Variants in CFAP44 observed in about 807,000 individuals in gnomAD.
CFAP44 encodes cilia and flagella associated protein 44.
In CFAP44, 134 loss-of-function variants were observed where a neutral mutation model predicts 216.2. That is an observed-to-expected ratio of 0.62 (90% CI 0.54 to 0.72). CFAP44 has a LOEUF of 0.72. Ranked by LOEUF, CFAP44 falls within the 30% of genes least tolerant of loss-of-function variation. The pLI is 0.00. For missense variants in CFAP44, 2,035 were observed against 2,182.1 expected (o/e 0.93, Z 1.34); for synonymous variants, 700 against 727.6 (o/e 0.96, Z 0.61).
chr3:113,394,225 T>C (rs73237110), intron 15 of CFAP44, among the ~76,000 whole-genome samples: 28,128 of 152,048 alleles, frequency 0.18, 3,135 homozygotes, highest in East Asian at 0.42. Context: ...TATAGATTTA[T>C]GTAAGCATCA....
chr3:113,427,625 CATA>C, intron 2 of CFAP44: 1 of 239,364 alleles, frequency 4.2e-6, no homozygotes, highest in Non-Finnish European at 7.8e-6. Context: ...ATGCTGCTAT[CATA>C]ATTTCAACTA....
In CFAP44 at chr3:113,287,322, T is replaced by C. The variant is rs1949773883; in HGVS notation, c.*4235A>G. Reference sequence around the variant, plus strand: ...GGGAAACATTTTCCTAAGATGCCCATGAGAACAGACCAAGATGTGTACAGC... The same window carrying C: ...GGGAAACATTTTCCTAAGATGCCCACGAGAACAGACCAAGATGTGTACAGC... On this transcript the variant is annotated 3_prime_UTR_variant, in exon 35 of 35. Transcript: ENST00000393845. The C allele has an allele frequency of 1.3e-5, 4 of 305,354 alleles. No homozygotes were observed. In the Admixed American group the frequency reaches 1.8e-4, roughly 14 times the overall value. 18.9% of individuals were successfully genotyped at this position (305,354 alleles called of 1,614,324 possible).
chr3:113,344,348 A>G (rs1384653716), intron 23 of CFAP44, among the ~76,000 whole-genome samples, 168 bp downstream of exon 23: 2 of 152,158 alleles, frequency 1.3e-5, no homozygotes, highest in Admixed American at 6.5e-5. Flanking sequence ...TATACCATAC[A>G]CTTTTGTCTC....
chr3:113,375,588 G>A (rs1933318637), intron 17 of CFAP44, among the ~76,000 whole-genome samples: 1 of 152,150 alleles, frequency 6.6e-6, no homozygotes, highest in Non-Finnish European at 1.5e-5. Flanking sequence ...TAATGGCTGA[G>A]AATTTTCTAA....
At chr3:113,308,092 G>T (rs188752729) in intron 29 of CFAP44, 66 bp downstream of exon 29, 3 of 1,254,692 alleles carry the variant, frequency 2.4e-6, no homozygotes, top group African/African-American at 1.5e-5. Flanking sequence ...AACCAAAAAG[G>T]GTCTTCCCAG....
intron 28 of CFAP44, among the ~76,000 whole-genome samples, chr3:113,309,659 G>A (rs989557780): frequency 6.6e-5 from 10 of 152,126 alleles, no homozygotes; most frequent in African/African-American, 2.2e-4. Context: ...ATGAACTACA[G>A]ATCACCAATT....
At chr3:113,361,329 G>A in intron 21 of CFAP44, 1 of 217,448 alleles carries the variant, frequency 4.6e-6, no homozygotes, top group South Asian at 8.3e-5. Flanking sequence ...GATTCACTGA[G>A]GCAAAAGTTG....
In CFAP44 at chr3:113,294,711, C is replaced by A; in HGVS notation, c.5349G>T (p.Arg1783=). 3 of 1,535,498 alleles carry A rather than the reference C, an allele frequency of 2.0e-6. No individual in the cohort carries two copies. The highest frequency in any genetic ancestry group is 2.4e-5 in the East Asian group (1 of 40,862). Residue 1783 remains arginine (R), a synonymous_variant, in exon 34 of 35, where the codon CGG becomes CGT. Coordinates refer to ENST00000393845, the MANE Select transcript of CFAP44 (RefSeq NM_001164496.2). ...LCIEKKKLDS[R]LNTLQNQQGN... ...CCTGCTGATTCTGTAGTGTATTCAACCGAGAATCAAGTTTCTTCTTTTCAA... is the reference window on the plus strand; with the variant it reads ...CCTGCTGATTCTGTAGTGTATTCAAACGAGAATCAAGTTTCTTCTTTTCAA...
intron 15 of CFAP44, among the ~76,000 whole-genome samples, chr3:113,390,724 A>G (rs909667505): frequency 6.6e-6 from 1 of 152,164 alleles, no homozygotes; most frequent in Non-Finnish European, 1.5e-5. Flanking sequence ...AAAAGAAATC[A>G]AAAAAGTAAT....
intron 4 of CFAP44, chr3:113,425,909 T>C: frequency 2.0e-6 from 1 of 489,470 alleles, no homozygotes; most frequent in Non-Finnish European, 3.5e-6. Context: ...GTGAGCCAGA[T>C]GGTCTCTGTC....
At chr3:113,395,705 G>A in intron 15 of CFAP44, 45 bp downstream of exon 15, 1 of 1,491,260 alleles carries the variant, frequency 6.7e-7, no homozygotes, top group South Asian at 1.2e-5. Flanking sequence ...GTTTCACTAT[G>A]TAGTAATTGA....
intron 34 of CFAP44, among the ~76,000 whole-genome samples, chr3:113,293,184 C>T (rs966693306): frequency 6.6e-6 from 1 of 152,190 alleles, no homozygotes; most frequent in Non-Finnish European, 1.5e-5. Context: ...ACTTTGAAGT[C>T]ACCTCACTTT....
At chr3:113,298,777 T>G (rs561993228) in intron 32 of CFAP44, among the ~76,000 whole-genome samples, 1 of 152,304 alleles carries the variant, frequency 6.6e-6, no homozygotes, top group African/African-American at 2.4e-5. Context: ...TATGAAGTAC[T>G]TCGAGTAGTC....
chr3:113,320,450 T>G (rs1250111580), intron 28 of CFAP44, among the ~76,000 whole-genome samples: 7 of 112,634 alleles, frequency 6.2e-5, no homozygotes, highest in East Asian at 4.8e-4. Context: ...ATATGATATA[T>G]ATTACATCTA....
At chr3:113,437,066 T>C (rs1244375844) in intron 1 of CFAP44, among the ~76,000 whole-genome samples, 4 of 152,208 alleles carry the variant, frequency 2.6e-5, no homozygotes, top group South Asian at 4.1e-4. Flanking sequence ...TTCAGCCCCA[T>C]GTGGCTATGG....
intron 16 of CFAP44, 69 bp from the exon 17 acceptor site, chr3:113,379,620 A>T (rs1002289494): frequency 1.1e-5 from 14 of 1,242,590 alleles, no homozygotes; most frequent in Middle Eastern, 2.0e-4. Context: ...ACCATTAGGG[A>T]TGACAATGAA....
At chr3:113,316,495 C>T (rs1335148406) in intron 28 of CFAP44, among the ~76,000 whole-genome samples, 5 of 152,072 alleles carry the variant, frequency 3.3e-5, no homozygotes, top group African/African-American at 1.2e-4. Context: ...CCTTATAACA[C>T]AAGCTGATTT....
intron 1 of CFAP44, among the ~76,000 whole-genome samples, chr3:113,437,091 C>A (rs1935256497): frequency 6.6e-6 from 1 of 152,190 alleles, no homozygotes; most frequent in Non-Finnish European, 1.5e-5. Context: ...GTGGTCCCTG[C>A]TTTCTTGCTG....
intron 32 of CFAP44, 70 bp from the exon 33 acceptor site, chr3:113,296,955 A>G (rs112007652): frequency 0.014 from 21,355 of 1,491,922 alleles, 162 homozygotes; most frequent in Middle Eastern, 0.018. Flanking sequence ...ACCAGGAACA[A>G]TAACATTCTA....
Sources: allele counts gnomAD v4.1 joint callset (sites outside exome capture counted in the v4.1 genomes callset), GRCh38; gene constraint gnomAD v4.1.1; transcripts MANE v1.5; gene names NCBI Gene and HGNC (gene_info 2026-07-23, HGNC 2026-07-21).